Variants in RNF152 observed in about 807,000 individuals in gnomAD.
The protein encoded by RNF152 is ring finger protein 152.
A neutral mutation model predicts 12.7 loss-of-function variants in RNF152; 11 were observed. The observed-to-expected ratio is 0.86, with a 90% confidence interval of 0.54 to 1.43. RNF152 has a LOEUF of 1.43. RNF152 is among the 40% of genes most tolerant of loss of function. The pLI is 0.00. For missense variants in RNF152, 255 were observed against 274.8 expected (o/e 0.93, Z 0.51); for synonymous variants, 113 against 120.3 (o/e 0.94, Z 0.40).
At chr18:61,857,766 T>C (rs939939277) in intron 1 of RNF152, among the ~76,000 whole-genome samples, 8 of 152,196 alleles carry the variant, frequency 5.3e-5, no homozygotes, top group African/African-American at 1.7e-4. Context: ...GATAATAGCC[T>C]ATCACAAAAC....
intron 1 of RNF152, among the ~76,000 whole-genome samples, chr18:61,817,274 G>A (rs1909157719): frequency 6.6e-6 from 1 of 152,226 alleles, no homozygotes; most frequent in Admixed American, 6.5e-5. Flanking sequence ...TTAAGGCAGT[G>A]TGGATCACAA....
At chr18:61,820,417 A>G (rs62096266) in intron 1 of RNF152, among the ~76,000 whole-genome samples, 8 of 148,670 alleles carry the variant, frequency 5.4e-5, no homozygotes, top group Non-Finnish European at 1.0e-4. Context: ...TTTTTTTCTT[A>G]AAACAAAACA....
Position 61,830,146 on chromosome 18 carries a change from C to T in RNF152, c.-135-13548G>A, listed in dbSNP as rs4940530. Reference sequence around the variant, plus strand: ...CAGGGATTCTCCTGCCTCAGACTCCCGGGTAGCTGGGACTACAGGCACACA... The same window carrying T: ...CAGGGATTCTCCTGCCTCAGACTCCTGGGTAGCTGGGACTACAGGCACACA... On this transcript the variant is annotated intron_variant, in intron 1 of 1. Coordinates refer to ENST00000312828, the MANE Select transcript of RNF152 (RefSeq NM_173557.3). 3.1e-3 allele frequency among the ~76,000 whole-genome samples: 478 copies of T among 151,984 alleles called. 7 individuals are homozygous for T. Among genetic ancestry groups the T allele is most frequent in the Admixed American group, 0.027 (406 of 15,266 alleles).
At chr18:61,817,613 T>C (rs1388798259) in intron 1 of RNF152, among the ~76,000 whole-genome samples, 1 of 152,172 alleles carries the variant, frequency 6.6e-6, no homozygotes, top group African/African-American at 2.4e-5. Flanking sequence ...TCACAGGTTT[T>C]GGTATACATG....
intron 1 of RNF152, among the ~76,000 whole-genome samples, chr18:61,844,122 G>GAAAGAA (rs1568275414): frequency 3.5e-5 from 4 of 113,630 alleles, no homozygotes; most frequent in Admixed American, 9.2e-5. Context: ...AAGAAAGAAA[G>GAAAGAA]AAAGAAAGAA....
chr18:61,817,230 C>T (rs1422288333), intron 1 of RNF152, among the ~76,000 whole-genome samples: 1 of 152,180 alleles, frequency 6.6e-6, no homozygotes, highest in African/African-American at 2.4e-5. Context: ...CAAAAAACCC[C>T]AAACAGCAAC....
At chr18:61,844,903 C>T (rs79092595) in intron 1 of RNF152, among the ~76,000 whole-genome samples, 1,555 of 152,188 alleles carry the variant, frequency 0.01, 24 homozygotes, top group African/African-American at 0.036. Flanking sequence ...ACCTACTCGC[C>T]CCAGTGATTT....
intron 1 of RNF152, among the ~76,000 whole-genome samples, chr18:61,851,626 G>A (rs995688875): frequency 6.6e-6 from 1 of 152,186 alleles, no homozygotes; most frequent in Non-Finnish European, 1.5e-5. Context: ...CAGAGCCAAG[G>A]TTTAAACTGA....
rs1378860976 is a variant in RNF152, at chr18:61,811,944, A to G, written c.*3908T>C. The G allele has an allele frequency of 1.3e-5, 2 of 152,204 alleles. No individual in the cohort carries two copies. The highest frequency in any genetic ancestry group is 1.9e-4 in the East Asian group (1 of 5,196). 9.4% of individuals were successfully genotyped at this position (152,204 alleles called of 1,614,324 possible). On this transcript the variant is annotated 3_prime_UTR_variant, in exon 2 of 2. Transcript: ENST00000312828. Reference sequence around the variant, plus strand: ...AGCTTCACTGATCATTCCTTGGCCTAAAATCTATAAGCAACAGTTCCAAAG... The same window carrying G: ...AGCTTCACTGATCATTCCTTGGCCTGAAATCTATAAGCAACAGTTCCAAAG...
At chr18:61,842,177 G>C (rs1442733577) in intron 1 of RNF152, among the ~76,000 whole-genome samples, 13 of 152,140 alleles carry the variant, frequency 8.5e-5, no homozygotes, top group Non-Finnish European at 1.5e-5. Context: ...CAGCAATTCT[G>C]CTTATGACAT....
chr18:61,863,433 CAAAAAA>C (rs34663065), intron 1 of RNF152, among the ~76,000 whole-genome samples: 2 of 90,952 alleles, frequency 2.2e-5, no homozygotes, highest in African/African-American at 4.3e-5. Context: ...GACTCCGTCT[CAAAAAA>C]AAAAAAAAAA....
intron 1 of RNF152, among the ~76,000 whole-genome samples, chr18:61,817,138 C>T (rs1909146154): frequency 6.6e-6 from 1 of 152,168 alleles, no homozygotes; most frequent in African/African-American, 2.4e-5. Flanking sequence ...TTCCTCTTCA[C>T]AGAGAAGTAA....
At chr18:61,826,705 C>T (rs1288882546) in intron 1 of RNF152, among the ~76,000 whole-genome samples, 2 of 152,198 alleles carry the variant, frequency 1.3e-5, no homozygotes, top group Admixed American at 1.3e-4. Context: ...CTCAGATCTA[C>T]ATCATTTTCC....
At chr18:61,860,701 G>A (rs1309631388) in intron 1 of RNF152, among the ~76,000 whole-genome samples, 1 of 152,166 alleles carries the variant, frequency 6.6e-6, no homozygotes, top group South Asian at 2.1e-4. Flanking sequence ...TAAGTTAACT[G>A]TAAAATGCCC....
At chr18:61,853,570 G>C (rs1415939793) in intron 1 of RNF152, among the ~76,000 whole-genome samples, 2 of 152,124 alleles carry the variant, frequency 1.3e-5, no homozygotes, top group African/African-American at 4.8e-5. Flanking sequence ...GGGATTACAG[G>C]CTGAGCCATC....
At chr18:61,885,985 C>CTTTTTTTTTTTTT (rs558169838) in intron 1 of RNF152, among the ~76,000 whole-genome samples, 6 of 81,710 alleles carry the variant, frequency 7.3e-5, no homozygotes, top group Non-Finnish European at 9.3e-5. Context: ...CTTTTGCTTT[C>CTTTTTTTTTTTTT]TTTTTTTTTT....
chr18:61,853,038 T>C (rs1158801635), intron 1 of RNF152, among the ~76,000 whole-genome samples: 1 of 152,218 alleles, frequency 6.6e-6, no homozygotes, highest in Non-Finnish European at 1.5e-5. Flanking sequence ...AACATCTATG[T>C]AGCACTTTGA....
chr18:61,829,910 G>C (rs1363810331), intron 1 of RNF152, among the ~76,000 whole-genome samples: 1 of 152,096 alleles, frequency 6.6e-6, no homozygotes, highest in Non-Finnish European at 1.5e-5. Flanking sequence ...CATTATAATG[G>C]CGTTATTATT....
chr18:61,867,368 C>T (rs1371188388), intron 1 of RNF152, among the ~76,000 whole-genome samples: 2 of 151,924 alleles, frequency 1.3e-5, no homozygotes, highest in Non-Finnish European at 1.5e-5. Context: ...AGGAGAATCA[C>T]TTGAACCTGG....
Sources: allele counts gnomAD v4.1 joint callset (sites outside exome capture counted in the v4.1 genomes callset), GRCh38; gene constraint gnomAD v4.1.1; transcripts MANE v1.5; gene names NCBI Gene and HGNC (gene_info 2026-07-23, HGNC 2026-07-21).